The following SAMSN1 variants were observed in gnomAD, a reference collection of about 807,000 sequenced individuals.
SAMSN1 encodes the protein SAM domain-containing protein SAMSN-1.
Under a neutral mutation model 42.0 loss-of-function variants are expected in SAMSN1, and 31 were observed. That is an observed-to-expected ratio of 0.74 (90% CI 0.55 to 1.00). The LOEUF (loss-of-function observed/expected upper bound fraction) is 1.00. SAMSN1 is among the 50% of genes least tolerant of loss of function. SAMSN1 has a pLI of 0.00. For synonymous variants in SAMSN1, 178 were observed against 151.9 expected, an observed-to-expected ratio of 1.17 and a Z score of -1.26; for missense variants, 464 against 439.4, an observed-to-expected ratio of 1.06 and a Z score of -0.50.
intron 3 of SAMSN1, among the ~76,000 whole-genome samples, chr21:14,516,009 A>G (rs1292256807): frequency 6.6e-6 from 1 of 152,218 alleles, no homozygotes; most frequent in Non-Finnish European, 1.5e-5. Flanking sequence ...ACAGACAATA[A>G]CAAGTGTTGG....
At chr21:14,560,686 C>T (rs758696493) in intron 2 of SAMSN1, among the ~76,000 whole-genome samples, 2 of 152,216 alleles carry the variant, frequency 1.3e-5, no homozygotes, top group Non-Finnish European at 2.9e-5. Flanking sequence ...CCCATCTCTA[C>T]TTCATGCTCC....
intron 1 of SAMSN1, among the ~76,000 whole-genome samples, chr21:14,648,083 T>G (rs530314521): frequency 2.1e-3 from 314 of 150,676 alleles, no homozygotes; most frequent in Non-Finnish European, 3.1e-3. Context: ...AAGGGAATGC[T>G]TCCAGTTTTT....
Position 14,510,306 on chromosome 21 carries a change from T to C in SAMSN1, c.561+4A>G. The C allele has an allele frequency of 1.2e-6, 2 of 1,613,808 alleles. No individual in the cohort carries two copies. The highest frequency in any genetic ancestry group is 1.7e-6 in the Non-Finnish European group (2 of 1,179,678). ...TCAGAAGGTGGGATATGATGTCCTC[T>C]CACCTTGATTTTGAGGGAGTCAGTG... On this transcript the variant is annotated splice_donor_region_variant and intron_variant, in intron 5 of 7. Transcript: ENST00000400566.
intron 2 of SAMSN1, among the ~76,000 whole-genome samples, chr21:14,618,709 C>CAT (rs1568832918): frequency 6.9e-5 from 10 of 144,894 alleles, no homozygotes; most frequent in African/African-American, 2.3e-4. Flanking sequence ...CGCGCACGCG[C>CAT]GTGTGTGTGT....
chr21:14,525,729 T>A (rs889928331), intron 1 of SAMSN1, among the ~76,000 whole-genome samples: 4 of 152,196 alleles, frequency 2.6e-5, no homozygotes, highest in Non-Finnish European at 5.9e-5. Context: ...GGTGGCTATA[T>A]GGGGGTAGAT....
At chr21:14,598,234 T>C (rs1982327663) in intron 6 of SAMSN1, 1 of 152,188 alleles carries the variant, frequency 6.6e-6, no homozygotes, top group South Asian at 2.1e-4. Context: ...TGAATATGAA[T>C]GATACTCTGA....
intron 1 of SAMSN1, among the ~76,000 whole-genome samples, chr21:14,650,308 A>G (rs905102065): frequency 3.3e-5 from 5 of 152,190 alleles, no homozygotes; most frequent in Non-Finnish European, 7.4e-5. Context: ...GTCTTAAAAC[A>G]TTAAATAAGT....
At chr21:14,540,384 A>G (rs542369474) in intron 1 of SAMSN1, among the ~76,000 whole-genome samples, 1 of 152,348 alleles carries the variant, frequency 6.6e-6, no homozygotes, top group Non-Finnish European at 1.5e-5. Flanking sequence ...AATTTTTGCA[A>G]TCTACTCATC....
intron 3 of SAMSN1, among the ~76,000 whole-genome samples, chr21:14,516,250 G>A (rs1213475778): frequency 6.6e-6 from 1 of 152,182 alleles, no homozygotes; most frequent in African/African-American, 2.4e-5. Context: ...GTGATAAATG[G>A]ATAAAGTAAA....
intron 2 of SAMSN1, among the ~76,000 whole-genome samples, chr21:14,624,130 T>C (rs1350496660): frequency 6.6e-6 from 1 of 152,132 alleles, no homozygotes; most frequent in Non-Finnish European, 1.5e-5. Context: ...TAAAGAAATG[T>C]ATAGAGGGAA....
At chr21:14,592,305 C>T (rs1982109973) in intron 7 of SAMSN1, 1 of 152,358 alleles carries the variant, frequency 6.6e-6, no homozygotes, top group African/African-American at 2.4e-5. Flanking sequence ...TATTAAGTAT[C>T]TATTGGATTC....
At chr21:14,576,646 G>T (rs1440948683) in intron 2 of SAMSN1, among the ~76,000 whole-genome samples, 1 of 143,422 alleles carries the variant, frequency 7.0e-6, no homozygotes, top group East Asian at 1.9e-4. Context: ...GTTGCGTAAA[G>T]AATTTTTCCA....
intron 2 of SAMSN1, among the ~76,000 whole-genome samples, chr21:14,575,679 A>G (rs1981436632): frequency 6.6e-6 from 1 of 152,196 alleles, no homozygotes; most frequent in Non-Finnish European, 1.5e-5. Flanking sequence ...CTTTCTTCTT[A>G]GTATGTCTTA....
rs186241193 is a variant in SAMSN1, at chr21:14,605,990, C to T, written c.322+3492G>A. 7.6e-3 allele frequency among the ~76,000 whole-genome samples: 1,147 copies of T among 151,826 alleles called. 18 individuals are homozygous for T. Among genetic ancestry groups the T allele is most frequent in the African/African-American group, 0.026 (1,089 of 41,420 alleles). Reference sequence around the variant, plus strand: ...CCTAGTAGCTGGGACTACAGGCGCCCGCCACCACGCCCGGCTAATTTTTTG... The same window carrying T: ...CCTAGTAGCTGGGACTACAGGCGCCTGCCACCACGCCCGGCTAATTTTTTG... On this transcript the variant is annotated intron_variant, in intron 5 of 15. Transcript: ENST00000647101.
At chr21:14,636,641 G>A (rs563481950) in intron 2 of SAMSN1, among the ~76,000 whole-genome samples, 1 of 152,286 alleles carries the variant, frequency 6.6e-6, no homozygotes, top group Non-Finnish European at 1.5e-5. Context: ...ACAAGATCAG[G>A]AGATTGAGAC....
chr21:14,571,844 CCAAGAAGCTAAAAGTAAA>C (rs1981311999), intron 2 of SAMSN1, among the ~76,000 whole-genome samples: 1 of 152,076 alleles, frequency 6.6e-6, no homozygotes, highest in Admixed American at 6.6e-5. Context: ...TAGAGTACCC[CCAAGAAGCTAAAAGTAAA>C]CTCTCACCCG....
rs111991572 is a variant in SAMSN1, at chr21:14,631,945, AGAAG to A, written c.156+11053_156+11056del. 9.4e-3 allele frequency among the ~76,000 whole-genome samples: 1,434 copies of A among 152,140 alleles called. 14 individuals are homozygous for A. Among genetic ancestry groups the A allele is most frequent in the East Asian group, 0.065 (337 of 5,182 alleles). ...AAGAGAAGAAAAAAGAGAAGTAGGA[AGAAG>A]GAAGGAAGGAAGGAAGGAAGGGAAG... On this transcript the variant is annotated intron_variant, in intron 2 of 15. Transcript: ENST00000647101.
chr21:14,543,196 T>C (rs900274069), intron 1 of SAMSN1, among the ~76,000 whole-genome samples: 3 of 152,178 alleles, frequency 2.0e-5, no homozygotes, highest in African/African-American at 7.2e-5. Flanking sequence ...TTTACCAGTT[T>C]CTGTTATAGA....
At chr21:14,590,082 G>A (rs1982035026) in intron 7 of SAMSN1, among the ~76,000 whole-genome samples, 1 of 152,100 alleles carries the variant, frequency 6.6e-6, no homozygotes, top group South Asian at 2.1e-4. Context: ...AACTGTGCCA[G>A]TGTATGCATA....
Sources: allele counts gnomAD v4.1 joint callset (sites outside exome capture counted in the v4.1 genomes callset), GRCh38; gene constraint gnomAD v4.1.1; transcripts MANE v1.5; gene names NCBI Gene and HGNC (gene_info 2026-07-23, HGNC 2026-07-21).